LPP: variants seen among roughly 807,000 people sequenced by gnomAD.
LPP encodes the protein lipoma-preferred partner.
A neutral mutation model predicts 60.4 loss-of-function variants in LPP; 38 were observed. That is an observed-to-expected ratio of 0.63 (90% CI 0.49 to 0.83). The LOEUF is 0.83. Ranked by LOEUF, LPP falls within the 40% of genes least tolerant of loss-of-function variation. The probability of loss-of-function intolerance (pLI) is 0.00; values close to 1 mark genes in which losing one functional copy is unlikely to be tolerated. For missense variants in LPP, 902 were observed against 783.6 expected (o/e 1.15, Z -1.80); for synonymous variants, 328 against 290.8 (o/e 1.13, Z -1.30).
At chr3:188,700,694 G>A (rs560158028) in intron 7 of LPP, among the ~76,000 whole-genome samples, 2 of 152,190 alleles carry the variant, frequency 1.3e-5, no homozygotes, top group Non-Finnish European at 2.9e-5. Context: ...GATTCAGAAT[G>A]CTGAATGAAG....
intron 1 of LPP, chr3:188,179,055 A>G: frequency 3.2e-6 from 1 of 313,976 alleles, no homozygotes; most frequent in Non-Finnish European, 6.4e-6. Flanking sequence ...AGAGAGAGAG[A>G]GAGAGAGAGA....
intron 1 of LPP, among the ~76,000 whole-genome samples, chr3:188,199,425 G>A (rs934483946): frequency 5.3e-5 from 8 of 152,096 alleles, no homozygotes; most frequent in African/African-American, 1.7e-4. Flanking sequence ...ATACAACGGA[G>A]GCTCCTTTTG....
At chr3:188,587,516 TA>T (rs1837737356) in intron 6 of LPP, among the ~76,000 whole-genome samples, 1 of 152,210 alleles carries the variant, frequency 6.6e-6, no homozygotes, top group Non-Finnish European at 1.5e-5. Context: ...AATGCATCTT[TA>T]ATTAAATATT....
intron 6 of LPP, among the ~76,000 whole-genome samples, chr3:188,575,654 C>A (rs1266994079): frequency 6.6e-6 from 1 of 152,114 alleles, no homozygotes; most frequent in Non-Finnish European, 1.5e-5. Flanking sequence ...CTTTGTGCTA[C>A]TAGGTAGATT....
intron 2 of LPP, among the ~76,000 whole-genome samples, chr3:188,302,616 G>C (rs1176868375): frequency 4.6e-5 from 7 of 152,214 alleles, no homozygotes; most frequent in African/African-American, 9.6e-5. Context: ...TCATTAGGCA[G>C]CTTGATCCAG....
Position 188,883,969 on chromosome 3 carries a change from T to C in LPP, c.*9490T>C. ...CTGGATGACTATTTAGTTTAAATAA[T>C]ATACCTTTGTCATGGGGAAGACCAT... On this transcript the variant is annotated 3_prime_UTR_variant, in exon 12 of 12. Transcript: ENST00000617246. 1 of 217,626 alleles carries C rather than the reference T, an allele frequency of 4.6e-6. No individual in the cohort carries two copies. Among genetic ancestry groups the C allele is most frequent in the Non-Finnish European group, 9.2e-6 (1 of 108,304 alleles). 13.5% of individuals were successfully genotyped at this position (217,626 alleles called of 1,614,324 possible).
intron 2 of LPP, among the ~76,000 whole-genome samples, chr3:188,289,110 A>T (rs1426062863): frequency 6.6e-6 from 1 of 152,116 alleles, no homozygotes; most frequent in Non-Finnish European, 1.5e-5. Flanking sequence ...AAAATGGACA[A>T]CTGAAGCTTC....
At chr3:188,668,724 C>A (rs1856329683) in intron 7 of LPP, among the ~76,000 whole-genome samples, 1 of 152,120 alleles carries the variant, frequency 6.6e-6, no homozygotes, top group South Asian at 2.1e-4. Flanking sequence ...TTCCGTGGGA[C>A]AATTACTTAT....
intron 4 of LPP, among the ~76,000 whole-genome samples, chr3:188,466,203 G>A (rs1344243168): frequency 6.6e-6 from 1 of 152,118 alleles, no homozygotes; most frequent in Non-Finnish European, 1.5e-5. Context: ...AGTGAGATGG[G>A]AGAGTCAGGG....
chr3:188,661,262 C>T (rs1054402502), intron 7 of LPP, among the ~76,000 whole-genome samples: 1 of 152,120 alleles, frequency 6.6e-6, no homozygotes, highest in African/African-American at 2.4e-5. Flanking sequence ...TTAGTTGTTT[C>T]CAAGTTTTGG....
intron 8 of LPP, among the ~76,000 whole-genome samples, chr3:188,758,050 A>C (rs746077807): frequency 6.6e-6 from 1 of 152,144 alleles, no homozygotes; most frequent in African/African-American, 2.4e-5. Context: ...AACAAATACT[A>C]TACAAAATTT....
chr3:188,877,666 TGAGAC>T lies in LPP; in HGVS notation c.*3188_*3192del, dbSNP rs1769407133. 1 of 187,868 alleles carries T rather than the reference TGAGAC, an allele frequency of 5.3e-6. No individual in the cohort carries two copies. The highest frequency in any genetic ancestry group is 1.1e-5 in the Non-Finnish European group (1 of 89,144). 11.6% of individuals were successfully genotyped at this position (187,868 alleles called of 1,614,324 possible). A position where few individuals can be genotyped will look rare whatever the true frequency, so the allele number is the denominator to read the frequency against. ...TTTGACACCAGCCTGGGCAACATAG[TGAGAC>T]CTTGTCTCTACAAAAAATAAAATAA... On this transcript the variant is annotated 3_prime_UTR_variant, in exon 12 of 12. Transcript: ENST00000617246.
chr3:188,260,303 A>G (rs1477953553), intron 2 of LPP, among the ~76,000 whole-genome samples: 1 of 152,156 alleles, frequency 6.6e-6, no homozygotes. Flanking sequence ...TTGGCCTCAC[A>G]AAGTGCTGGG....
At chr3:188,561,930 A>G (rs778168018) in intron 6 of LPP, among the ~76,000 whole-genome samples, 27 of 152,052 alleles carry the variant, frequency 1.8e-4, no homozygotes, top group Non-Finnish European at 4.4e-5. Context: ...GAGAACCTGG[A>G]GATTCATGGA....
chr3:188,885,051 C>G lies in LPP; in HGVS notation c.*10572C>G, dbSNP rs1027285963. On this transcript the variant is annotated 3_prime_UTR_variant, in exon 12 of 12. Transcript: ENST00000617246. ...CTCCATGTATGCTCTAGAAGTTGCT[C>G]TACGTAACAGTTCAGCAAGCAAGTG... The G allele has an allele frequency of 1.4e-5, 3 of 215,528 alleles. No individual in the cohort carries two copies. Among genetic ancestry groups the G allele is most frequent in the African/African-American group, 6.8e-5 (3 of 44,368 alleles). 13.4% of individuals were successfully genotyped at this position (215,528 alleles called of 1,614,324 possible). A position where few individuals can be genotyped will look rare whatever the true frequency, so the allele number is the denominator to read the frequency against.
At chr3:188,238,646 AT>A (rs1358554825) in intron 2 of LPP, among the ~76,000 whole-genome samples, 1 of 151,954 alleles carries the variant, frequency 6.6e-6, no homozygotes, top group African/African-American at 2.4e-5. Context: ...GAACACACCT[AT>A]TTATTGATCA....
intron 6 of LPP, among the ~76,000 whole-genome samples, chr3:188,564,748 G>C (rs1449371390): frequency 6.6e-6 from 1 of 151,884 alleles, no homozygotes; most frequent in Non-Finnish European, 1.5e-5. Context: ...ATATCATTGA[G>C]GACACAACAG....
chr3:188,291,663 A>G (rs1746017759), intron 2 of LPP, among the ~76,000 whole-genome samples: 1 of 151,204 alleles, frequency 6.6e-6, no homozygotes, highest in Admixed American at 6.6e-5. Flanking sequence ...AAAAAAAAAA[A>G]AGAGAAAGGA....
intron 2 of LPP, among the ~76,000 whole-genome samples, chr3:188,332,331 C>A (rs1377768296): frequency 6.6e-6 from 1 of 152,184 alleles, no homozygotes; most frequent in Non-Finnish European, 1.5e-5. Flanking sequence ...TTGCATGTCA[C>A]TTAACTCCTC....
Sources: allele counts gnomAD v4.1 joint callset (sites outside exome capture counted in the v4.1 genomes callset), GRCh38; gene constraint gnomAD v4.1.1; transcripts MANE v1.5; gene names NCBI Gene and HGNC (gene_info 2026-07-23, HGNC 2026-07-21).